The following FBXL13 variants were observed in gnomAD, a reference collection of about 807,000 sequenced individuals.
FBXL13 encodes the protein F-box and leucine-rich repeat protein 13.
In FBXL13, 67 loss-of-function variants were observed where a neutral mutation model predicts 83.6. The ratio of observed to expected loss-of-function variants is 0.80; its 90% CI spans 0.66 to 0.98. The LOEUF is 0.98. Among genes scored for constraint, FBXL13 ranks in the 50% least tolerant of loss-of-function variants. The pLI is 0.00. For missense variants in FBXL13, 822 were observed against 866.5 expected, an observed-to-expected ratio of 0.95 and a Z score of 0.64; for synonymous variants, 272 against 299.5, an observed-to-expected ratio of 0.91 and a Z score of 0.95.
chr7:102,831,431 A>ACACACACACCCCCC lies in FBXL13; in HGVS notation c.1854+1408_1854+1409insGGGGGGTGTGTGTG, dbSNP rs1033135095. On this transcript the variant is annotated intron_variant, in intron 18 of 19. Coordinates refer to ENST00000313221, the Ensembl canonical transcript of FBXL13. ...CACACACACACACACACACACACACACCCCACTACAGAGAGTTATCTTGTC... is the reference window on the plus strand; with the variant it reads ...CACACACACACACACACACACACACACACACACACCCCCCCCCCACTACAGAGAGTTATCTTGTC... Among the ~76,000 whole-genome samples the ACACACACACCCCCC allele has an allele frequency of 2.0e-4, 30 of 147,124 alleles. 1 individual carries two copies. The highest frequency in any genetic ancestry group is 6.2e-4 in the African/African-American group (25 of 40,006).
At chr7:102,983,424 T>C (rs976362687) in intron 6 of FBXL13, among the ~76,000 whole-genome samples, 36 of 144,706 alleles carry the variant, frequency 2.5e-4, no homozygotes, top group Admixed American at 1.0e-3. Context: ...TTTTTCCCCT[T>C]TTTTTTTTTT....
chr7:102,813,623 A>G, intron 19 of FBXL13, 92 bp from the exon 21 acceptor site: 1 of 1,296,774 alleles, frequency 7.7e-7, no homozygotes, highest in Non-Finnish European at 1.1e-6. Context: ...TAGGGAATTC[A>G]CTGTCACAAT....
intron 2 of FBXL13, among the ~76,000 whole-genome samples, chr7:103,045,100 T>C (rs1585532956): frequency 6.6e-6 from 1 of 152,190 alleles, no homozygotes; most frequent in East Asian, 1.9e-4. Context: ...TGGAAGAAGA[T>C]TAATAGACAC....
At chr7:102,971,795 G>C (rs551501943) in intron 6 of FBXL13, among the ~76,000 whole-genome samples, 1 of 152,192 alleles carries the variant, frequency 6.6e-6, no homozygotes, top group East Asian at 1.9e-4. Context: ...GAAAGCCAAG[G>C]TGGGCGGATC....
chr7:103,000,950 T>G (rs1348640668), intron 6 of FBXL13, among the ~76,000 whole-genome samples: 1 of 152,144 alleles, frequency 6.6e-6, no homozygotes, highest in African/African-American at 2.4e-5. Context: ...TGTTTTGTCG[T>G]TGCTGTTGTT....
chr7:102,999,998 G>A (rs1029824607), intron 6 of FBXL13, among the ~76,000 whole-genome samples: 7 of 151,792 alleles, frequency 4.6e-5, no homozygotes, highest in African/African-American at 1.7e-4. Flanking sequence ...TATTTGAAAT[G>A]TTTCTATTTT....
chr7:102,968,239 A>C, intron 6 of FBXL13, 122 bp from the exon 8 acceptor site: 1 of 606,288 alleles, frequency 1.6e-6, no homozygotes, highest in South Asian at 2.1e-5. Context: ...TAGTAATAAT[A>C]AGGTAATCCA....
intron 16 of FBXL13, among the ~76,000 whole-genome samples, chr7:102,861,014 C>T (rs900963436): frequency 1.3e-5 from 2 of 151,356 alleles, no homozygotes; most frequent in Admixed American, 6.6e-5. Flanking sequence ...TATATACACA[C>T]AAATATACAT....
chr7:102,845,506 T>C (rs905850311), intron 17 of FBXL13, among the ~76,000 whole-genome samples: 1 of 152,150 alleles, frequency 6.6e-6, no homozygotes, highest in African/African-American at 2.4e-5. Flanking sequence ...TAGATCTTGG[T>C]AGTTCATAGG....
At chr7:102,962,044 C>A (rs986561609) in intron 8 of FBXL13, among the ~76,000 whole-genome samples, 2 of 150,788 alleles carry the variant, frequency 1.3e-5, no homozygotes, top group African/African-American at 4.9e-5. Flanking sequence ...TCAGAGTGAA[C>A]AGGCAACCTA....
chr7:102,972,060 A>T (rs1290389910), intron 6 of FBXL13, among the ~76,000 whole-genome samples: 1 of 152,076 alleles, frequency 6.6e-6, no homozygotes, highest in South Asian at 2.1e-4. Flanking sequence ...ACACTTTGAG[A>T]CATAGACTGA....
At chr7:102,899,860 G>A (rs1011164377) in intron 11 of FBXL13, among the ~76,000 whole-genome samples, 4 of 152,016 alleles carry the variant, frequency 2.6e-5, no homozygotes, top group African/African-American at 9.7e-5. Flanking sequence ...ACCTGAGGTT[G>A]GGAATTCGAG....
At chr7:102,888,539 TAAAAG>T (rs1189235262) in intron 11 of FBXL13, among the ~76,000 whole-genome samples, 6 of 151,936 alleles carry the variant, frequency 3.9e-5, no homozygotes, top group South Asian at 2.1e-4. Context: ...TGTCTCAAAA[TAAAAG>T]AAAAGAAAAA....
intron 6 of FBXL13, among the ~76,000 whole-genome samples, chr7:103,019,812 G>A (rs1792902679): frequency 6.6e-6 from 1 of 152,160 alleles, no homozygotes; most frequent in African/African-American, 2.4e-5. Flanking sequence ...AACAGGCTCT[G>A]AAACTGAGGC....
chr7:103,029,146 A>T (rs570115237), intron 3 of FBXL13, among the ~76,000 whole-genome samples: 173 of 152,074 alleles, frequency 1.1e-3, no homozygotes, highest in Non-Finnish European at 1.9e-3. Context: ...TTAAGAAAAG[A>T]TAATTATACC....
At chr7:102,960,573 C>T (rs1176232830) in intron 8 of FBXL13, among the ~76,000 whole-genome samples, 15 of 151,732 alleles carry the variant, frequency 9.9e-5, no homozygotes, top group Non-Finnish European at 1.5e-5. Flanking sequence ...AACATTGATG[C>T]AAAAATCCTC....
At chr7:103,016,700 T>A (rs1377169768) in intron 6 of FBXL13, among the ~76,000 whole-genome samples, 1 of 151,990 alleles carries the variant, frequency 6.6e-6, no homozygotes, top group Non-Finnish European at 1.5e-5. Context: ...GCTCGGAGGG[T>A]CCCACACCCA....
chr7:103,009,082 T>C (rs1377957559), intron 6 of FBXL13, among the ~76,000 whole-genome samples: 2 of 151,740 alleles, frequency 1.3e-5, no homozygotes, highest in Admixed American at 6.6e-5. Flanking sequence ...AAAGGAACAT[T>C]AGCAGTCAAA....
At chr7:103,049,192 G>A (rs1220347583) in intron 2 of FBXL13, among the ~76,000 whole-genome samples, 2 of 151,902 alleles carry the variant, frequency 1.3e-5, no homozygotes, top group African/African-American at 4.8e-5. Context: ...TAGCTAGGTG[G>A]CATGGCTAAT....
Sources: gnomAD v4.1 joint callset for allele counts (sites outside exome capture counted in the v4.1 genomes callset) on GRCh38, gnomAD v4.1.1 for gene constraint, MANE v1.5 for transcripts, NCBI Gene and HGNC (gene_info 2026-07-23, HGNC 2026-07-21) for gene names.